Variants in DIP2C observed in about 807,000 individuals in gnomAD.
DIP2C encodes DIP2 acetate--CoA ligase C (putative).
In DIP2C, 33 loss-of-function variants were observed where a neutral mutation model predicts 192.4. That is an observed-to-expected ratio of 0.17 (90% confidence interval 0.13 to 0.23). The LOEUF (loss-of-function observed/expected upper bound fraction) is 0.23. Among genes scored for constraint, DIP2C ranks in the 10% least tolerant of loss-of-function variants. DIP2C has a pLI of 1.00. For synonymous variants in DIP2C, 979 were observed against 864.1 expected (o/e 1.13, Z -2.33); for missense variants, 1,537 against 2,110.1 (o/e 0.73, Z 5.32).
intron 22 of DIP2C, among the ~76,000 whole-genome samples, chr10:360,138 G>A (rs755384314): frequency 6.6e-6 from 1 of 152,162 alleles, no homozygotes; most frequent in Non-Finnish European, 1.5e-5. Context: ...GACGTAGCAC[G>A]TTCCCTCATC....
intron 32 of DIP2C, among the ~76,000 whole-genome samples, chr10:307,594 G>C (rs996320373): frequency 2.6e-5 from 4 of 152,156 alleles, no homozygotes; most frequent in African/African-American, 7.2e-5. Flanking sequence ...TCTGCAGTGG[G>C]GGGGTAAGGG....
intron 2 of DIP2C, chr10:484,828 C>G (rs530118029): frequency 1.2e-6 from 2 of 1,611,170 alleles, no homozygotes; most frequent in African/African-American, 1.3e-5. Context: ...GCTGGCCACC[C>G]GCTCCCGAGC....
At chr10:584,311 A>T (rs1054564784) in intron 1 of DIP2C, among the ~76,000 whole-genome samples, 28 of 152,254 alleles carry the variant, frequency 1.8e-4, no homozygotes. Context: ...TTAGCTAATC[A>T]GGAACATCTT....
At chr10:529,186 C>A (rs1485647714) in intron 1 of DIP2C, among the ~76,000 whole-genome samples, 1 of 152,226 alleles carries the variant, frequency 6.6e-6, no homozygotes, top group Non-Finnish European at 1.5e-5. Context: ...AACTGGGACA[C>A]TGCACCATAG....
chr10:640,751 G>C (rs552396195), intron 1 of DIP2C, among the ~76,000 whole-genome samples: 27 of 148,714 alleles, frequency 1.8e-4, no homozygotes, highest in African/African-American at 6.2e-4. Flanking sequence ...CGGGAAGAGG[G>C]TGGGCGCCGG....
intron 7 of DIP2C, among the ~76,000 whole-genome samples, chr10:415,179 A>ATC (rs1328683936): frequency 2.6e-5 from 4 of 152,142 alleles, no homozygotes; most frequent in South Asian, 2.1e-4. Flanking sequence ...AATGGAAATT[A>ATC]TCTCTTCCAT....
Position 290,806 on chromosome 10 carries a change from G to A in DIP2C, c.3987-2385C>T, listed in dbSNP as rs79090009. Among the ~76,000 whole-genome samples, 720 of 152,338 alleles carry A rather than the reference G, an allele frequency of 4.7e-3. 20 individuals carry two copies. The highest frequency in any genetic ancestry group is 0.04 in the Admixed American group (605 of 15,304). ...TGAAACTCAGCCAAAACCGAGGGCT[G>A]TTTAGGACACACCATCTCCATTTCT... On this transcript the variant is annotated intron_variant, in intron 32 of 36. Transcript: ENST00000280886.
chr10:346,497 C>T (rs1242716349), intron 26 of DIP2C, among the ~76,000 whole-genome samples: 7 of 138,318 alleles, frequency 5.1e-5, no homozygotes, highest in Non-Finnish European at 9.2e-5. Flanking sequence ...AAACCCCACA[C>T]GCACCCAGAC....
intron 17 of DIP2C, among the ~76,000 whole-genome samples, chr10:381,680 T>C (rs1447442076): frequency 6.6e-6 from 1 of 152,232 alleles, no homozygotes; most frequent in Non-Finnish European, 1.5e-5. Context: ...TCCTGGTCAA[T>C]GCCTGCCCTT....
intron 7 of DIP2C, among the ~76,000 whole-genome samples, chr10:414,507 T>A (rs1275054244): frequency 1.3e-5 from 2 of 152,058 alleles, no homozygotes; most frequent in African/African-American, 4.8e-5. Flanking sequence ...TCCTGAAAGA[T>A]TAATGATAAA....
At chr10:607,471 G>A (rs61832975) in intron 1 of DIP2C, among the ~76,000 whole-genome samples, 12,851 of 152,160 alleles carry the variant, frequency 0.084, 1,375 homozygotes, top group African/African-American at 0.25. Context: ...CATCAGAGAC[G>A]TTATATCTTA....
At chr10:491,974 C>G (rs1844480320) in intron 1 of DIP2C, among the ~76,000 whole-genome samples, 1 of 151,942 alleles carries the variant, frequency 6.6e-6, no homozygotes, top group Non-Finnish European at 1.5e-5. Context: ...TAGGAGGAAT[C>G]TCAAAATCCC....
At chr10:548,635 G>A (rs1250089793) in intron 1 of DIP2C, among the ~76,000 whole-genome samples, 2 of 149,316 alleles carry the variant, frequency 1.3e-5, no homozygotes, top group African/African-American at 2.5e-5. Flanking sequence ...GTGGTGGGGG[G>A]AGGAGATGTG....
intron 4 of DIP2C, among the ~76,000 whole-genome samples, chr10:439,078 T>TCAAGC (rs1483595106): frequency 1.3e-5 from 2 of 152,184 alleles, no homozygotes; most frequent in African/African-American, 4.8e-5. Context: ...ACTCTTGGGC[T>TCAAGC]CAAGCCATAC....
In DIP2C at chr10:365,733, G is replaced by A. The variant is rs551533413; in HGVS notation, c.2268+542C>T. Among the ~76,000 whole-genome samples, 20 of 152,320 alleles carry A rather than the reference G, an allele frequency of 1.3e-4. No individual in the cohort carries two copies. The East Asian group carries it at 2.9e-3, about 22-fold the overall frequency. On this transcript the variant is annotated intron_variant, in intron 19 of 36. Coordinates refer to ENST00000280886, the MANE Select transcript of DIP2C (RefSeq NM_014974.3). ...ACATCTGTGCACACGCCCCATGCAC[G>A]CACATTACACACGCATCTGTGTACA...
intron 1 of DIP2C, among the ~76,000 whole-genome samples, chr10:487,539 C>T (rs959835838): frequency 3.4e-5 from 5 of 147,608 alleles, no homozygotes; most frequent in Admixed American, 6.8e-5. Flanking sequence ...CCAAATGACA[C>T]GGAACCCGCA....
intron 17 of DIP2C, among the ~76,000 whole-genome samples, chr10:378,232 T>C (rs1263411318): frequency 6.6e-6 from 1 of 152,224 alleles, no homozygotes; most frequent in East Asian, 1.9e-4. Context: ...AAAAATACTT[T>C]AAATGCCTAG....
chr10:575,294 G>A (rs1047555946), intron 1 of DIP2C, among the ~76,000 whole-genome samples: 1 of 152,204 alleles, frequency 6.6e-6, no homozygotes, highest in African/African-American at 2.4e-5. Flanking sequence ...CTTTGTGATT[G>A]CTTTTATAAA....
intron 3 of DIP2C, among the ~76,000 whole-genome samples, chr10:463,160 C>G (rs568018428): frequency 4.6e-5 from 7 of 152,080 alleles, no homozygotes; most frequent in Non-Finnish European, 1.0e-4. Flanking sequence ...CACAATCAGG[C>G]AAGAGAAAGA....
Sources: allele counts gnomAD v4.1 joint callset (sites outside exome capture counted in the v4.1 genomes callset), GRCh38; gene constraint gnomAD v4.1.1; transcripts MANE v1.5; gene names NCBI Gene and HGNC (gene_info 2026-07-23, HGNC 2026-07-21).